The following RAP1GAP2 variants were observed in gnomAD, a reference collection of about 807,000 sequenced individuals.
RAP1GAP2 encodes the protein RAP1 GTPase activating protein 2, also known as rap1 GTPase-activating protein 2.
Under a neutral mutation model 95.0 loss-of-function variants are expected in RAP1GAP2, and 27 were observed. The ratio of observed to expected loss-of-function variants is 0.28; its 90% CI spans 0.21 to 0.39. The LOEUF (loss-of-function observed/expected upper bound fraction) is 0.39. RAP1GAP2 is among the 10% of genes least tolerant of loss of function. The pLI is 1.00. For synonymous variants in RAP1GAP2, 373 were observed against 380.9 expected, an observed-to-expected ratio of 0.98 and a Z score of 0.24; for missense variants, 771 against 970.0, an observed-to-expected ratio of 0.79 and a Z score of 2.72.
chr17:2,765,052 G>C (rs2068248048), intron 1 of RAP1GAP2, among the ~76,000 whole-genome samples: 1 of 152,188 alleles, frequency 6.6e-6, no homozygotes, highest in South Asian at 2.1e-4. Context: ...GCTCAGAATA[G>C]GATGGGCTCC....
intron 23 of RAP1GAP2, 51 bp from the exon 24 acceptor site, chr17:3,032,360 A>G: frequency 1.2e-6 from 2 of 1,611,774 alleles, no homozygotes; most frequent in South Asian, 1.1e-5. Context: ...CGTGGAAGGG[A>G]CCTGTGCTGT....
intron 2 of RAP1GAP2, among the ~76,000 whole-genome samples, chr17:2,860,345 C>T (rs2151616666): frequency 6.6e-6 from 1 of 152,284 alleles, no homozygotes; most frequent in African/African-American, 2.4e-5. Context: ...CTTTAGCCAG[C>T]TTCCCACTAT....
At chr17:3,007,900 C>A in intron 16 of RAP1GAP2, 111 bp from the exon 17 acceptor site, 1 of 1,327,266 alleles carries the variant, frequency 7.5e-7, no homozygotes. Flanking sequence ...CGTTGCTGGG[C>A]CGGGCTGGGC....
At chr17:2,839,366 C>T (rs999641564) in intron 2 of RAP1GAP2, among the ~76,000 whole-genome samples, 1 of 151,604 alleles carries the variant, frequency 6.6e-6, no homozygotes, top group Non-Finnish European at 1.5e-5. Flanking sequence ...ATTAAGAGTA[C>T]AGAGAGTCCC....
intron 11 of RAP1GAP2, among the ~76,000 whole-genome samples, chr17:2,988,939 G>C (rs1315223806): frequency 1.3e-5 from 2 of 152,070 alleles, no homozygotes; most frequent in African/African-American, 4.8e-5. Context: ...GGCGCCTGTA[G>C]TCCCAGCTAC....
At chr17:3,014,196 G>A (rs1474052951) in intron 17 of RAP1GAP2, among the ~76,000 whole-genome samples, 1 of 149,824 alleles carries the variant, frequency 6.7e-6, no homozygotes, top group African/African-American at 2.5e-5. Flanking sequence ...TATAGGGCGC[G>A]TGGCTGCCAG....
intron 8 of RAP1GAP2, among the ~76,000 whole-genome samples, chr17:2,967,352 C>T (rs1026725262): frequency 2.6e-5 from 4 of 152,080 alleles, no homozygotes; most frequent in Non-Finnish European, 5.9e-5. Context: ...GCCTGGGCGA[C>T]AGAGTGAGAC....
chr17:3,007,326 C>A (rs534612234), intron 16 of RAP1GAP2, among the ~76,000 whole-genome samples: 4 of 152,192 alleles, frequency 2.6e-5, no homozygotes, highest in African/African-American at 9.6e-5. Context: ...TCATTGAGAA[C>A]GATGGTGACA....
intron 1 of RAP1GAP2, among the ~76,000 whole-genome samples, chr17:2,758,949 G>A (rs1417322581): frequency 6.6e-6 from 1 of 152,028 alleles, no homozygotes; most frequent in Admixed American, 6.6e-5. Flanking sequence ...AGCTTCCCAT[G>A]TAGCTGGGGC....
intron 21 of RAP1GAP2, 47 bp downstream of exon 21, chr17:3,026,511 C>T: frequency 7.2e-7 from 1 of 1,390,656 alleles, no homozygotes; most frequent in Non-Finnish European, 9.8e-7. Flanking sequence ...GGGGCGTCAG[C>T]CAGCCACCCT....
At chr17:2,878,993 AGT>A (rs2073193143) in intron 2 of RAP1GAP2, among the ~76,000 whole-genome samples, 1 of 152,140 alleles carries the variant, frequency 6.6e-6, no homozygotes, top group African/African-American at 2.4e-5. Flanking sequence ...GGCGCTGGCC[AGT>A]GCTCAGTGAG....
intron 2 of RAP1GAP2, among the ~76,000 whole-genome samples, chr17:2,898,340 C>T (rs1325690149): frequency 1.3e-5 from 2 of 152,210 alleles, no homozygotes; most frequent in East Asian, 1.9e-4. Flanking sequence ...AGGTGCGCAA[C>T]ACCTGCTCCT....
intron 2 of RAP1GAP2, among the ~76,000 whole-genome samples, chr17:2,802,558 A>C (rs529265084): frequency 4.1e-4 from 62 of 152,292 alleles, no homozygotes; most frequent in Admixed American, 5.2e-4. Context: ...AAAAATAAAA[A>C]AAATTAGCTG....
chr17:2,959,369 A>G (rs904214162), intron 4 of RAP1GAP2, among the ~76,000 whole-genome samples: 1 of 152,110 alleles, frequency 6.6e-6, no homozygotes, highest in Non-Finnish European at 1.5e-5. Context: ...TGTCTGTGCA[A>G]TGGCTGATCC....
intron 17 of RAP1GAP2, among the ~76,000 whole-genome samples, chr17:3,012,024 C>T (rs1017311866): frequency 6.6e-6 from 1 of 152,132 alleles, no homozygotes; most frequent in Non-Finnish European, 1.5e-5. Context: ...GGCTGCTGCT[C>T]CCCCACGTCA....
chr17:2,828,865 T>C (rs988679939), intron 2 of RAP1GAP2, among the ~76,000 whole-genome samples: 3 of 152,088 alleles, frequency 2.0e-5, no homozygotes, highest in African/African-American at 7.2e-5. Context: ...TCCCGGTTTC[T>C]GGGTATCTGT....
chr17:3,031,829 T>C (rs1201845720), intron 23 of RAP1GAP2, among the ~76,000 whole-genome samples: 1 of 143,036 alleles, frequency 7.0e-6, no homozygotes, highest in Admixed American at 6.9e-5. Flanking sequence ...CCCAGTCCCT[T>C]CCTGAGCTCT....
chr17:3,022,056 C>G (rs1259374448), intron 19 of RAP1GAP2, among the ~76,000 whole-genome samples: 1 of 152,156 alleles, frequency 6.6e-6, no homozygotes, highest in African/African-American at 2.4e-5. Flanking sequence ...TTTGAGGAAC[C>G]TCCAAACACT....
chr17:3,027,540 C>T lies in RAP1GAP2; in HGVS notation c.2107+470C>T, dbSNP rs377402904. Among the ~76,000 whole-genome samples the T allele has an allele frequency of 2.6e-5, 4 of 152,132 alleles. No individual in the cohort carries two copies. Among genetic ancestry groups the T allele is most frequent in the East Asian group, 3.9e-4 (2 of 5,164 alleles). The stretch of plus-strand genomic sequence containing the variant: ...AGAGGAGAGGAGAGAGCGGGTATTC[C>T]GGAACTGCACGTGTTCATGGCAGCT... On this transcript the variant is annotated intron_variant, in intron 22 of 24. Coordinates refer to ENST00000254695, the MANE Select transcript of RAP1GAP2 (RefSeq NM_015085.5). The surrounding 1 kb of genome is among the most constrained non-coding windows in gnomAD (Gnocchi z 5.2).
Sources: allele counts gnomAD v4.1 joint callset (sites outside exome capture counted in the v4.1 genomes callset), GRCh38; gene constraint gnomAD v4.1.1; non-coding constraint Gnocchi (gnomAD v3.1); transcripts MANE v1.5; gene names NCBI Gene and HGNC (gene_info 2026-07-23, HGNC 2026-07-21).